Variants in LRP1B observed in about 807,000 individuals in gnomAD.
LRP1B encodes LDL receptor related protein 1B, also known as low-density lipoprotein receptor-related protein 1B.
LRP1B carries 217 observed loss-of-function variants against 556.6 expected under a neutral mutation model. The observed-to-expected ratio is 0.39, with a 90% confidence interval of 0.35 to 0.44. The LOEUF (loss-of-function observed/expected upper bound fraction) is 0.44, where lower values mean the gene tolerates loss of function less well. Ranked by LOEUF, LRP1B falls within the 20% of genes least tolerant of loss-of-function variation. LRP1B has a pLI of 1.00. For synonymous variants in LRP1B, 2,047 were observed against 1,865.8 expected, an observed-to-expected ratio of 1.10 and a Z score of -2.50; for missense variants, 5,053 against 5,620.8, an observed-to-expected ratio of 0.90 and a Z score of 3.23.
chr2:140,510,757 G>A (rs890854080), intron 51 of LRP1B, among the ~76,000 whole-genome samples: 2 of 152,044 alleles, frequency 1.3e-5, no homozygotes, highest in African/African-American at 4.8e-5. Context: ...CTCTATCACT[G>A]CAATGTTTCT....
chr2:140,901,022 C>CT (rs1694090009), intron 23 of LRP1B, among the ~76,000 whole-genome samples: 1 of 151,880 alleles, frequency 6.6e-6, no homozygotes, highest in African/African-American at 2.4e-5. Flanking sequence ...GAAAGTCGTG[C>CT]TTTTTTTAAA....
intron 2 of LRP1B, among the ~76,000 whole-genome samples, chr2:141,768,949 T>C (rs1694816118): frequency 6.6e-6 from 1 of 152,090 alleles, no homozygotes; most frequent in African/African-American, 2.4e-5. Flanking sequence ...TTTCTATTTA[T>C]CTATCTATGT....
intron 41 of LRP1B, among the ~76,000 whole-genome samples, chr2:140,685,048 T>C (rs1233141367): frequency 6.6e-6 from 1 of 152,204 alleles, no homozygotes; most frequent in Admixed American, 6.5e-5. Flanking sequence ...CCATAGCATG[T>C]ATCAGTCATG....
intron 2 of LRP1B, among the ~76,000 whole-genome samples, chr2:141,615,455 T>C (rs1374170708): frequency 6.6e-6 from 1 of 152,144 alleles, no homozygotes; most frequent in Non-Finnish European, 1.5e-5. Flanking sequence ...AGATGATCAA[T>C]ATGAGTTAAG....
intron 3 of LRP1B, among the ~76,000 whole-genome samples, chr2:141,424,724 G>A (rs1458385175): frequency 6.6e-6 from 1 of 152,056 alleles, no homozygotes; most frequent in Non-Finnish European, 1.5e-5. Flanking sequence ...TTATTGCAGT[G>A]TTCTACAGAC....
rs528075016 is a variant in LRP1B at position 141,280,616 on chromosome 2, CT to C, written c.344-25976del. 3.9e-3 allele frequency among the ~76,000 whole-genome samples: 590 copies of C among 151,932 alleles called. 3 individuals are homozygous for C. The highest frequency in any genetic ancestry group is 0.013 in the African/African-American group (521 of 41,480). On this transcript the variant is annotated intron_variant, in intron 3 of 90. Transcript: ENST00000389484. ...TAGGATGCAGAACGCTTAATATTGG[CT>C]TGTTTAAAGTCCCAGTAATAAAAGT...
intron 43 of LRP1B, among the ~76,000 whole-genome samples, chr2:140,589,929 C>T (rs1682147960): frequency 6.6e-6 from 1 of 152,102 alleles, no homozygotes; most frequent in Non-Finnish European, 1.5e-5. Context: ...TGTTCTGTAT[C>T]TTGACCACAT....
chr2:141,234,647 G>A (rs1378679685), intron 5 of LRP1B, among the ~76,000 whole-genome samples: 1 of 152,072 alleles, frequency 6.6e-6, no homozygotes, highest in Non-Finnish European at 1.5e-5. Flanking sequence ...CAAGTGCTGG[G>A]ATTACAGGCA....
At chr2:141,994,017 A>C (rs946638508) in intron 1 of LRP1B, among the ~76,000 whole-genome samples, 5 of 152,102 alleles carry the variant, frequency 3.3e-5, no homozygotes, top group African/African-American at 9.7e-5. Context: ...GACTTTGACA[A>C]CTGATTTGTT....
intron 1 of LRP1B, among the ~76,000 whole-genome samples, chr2:141,842,436 T>C (rs1030773770): frequency 9.2e-5 from 14 of 152,024 alleles, no homozygotes; most frequent in Non-Finnish European, 1.8e-4. Context: ...AATAGGTAAA[T>C]CTAAATAAGT....
At chr2:140,653,106 A>T (rs1427694846) in intron 41 of LRP1B, among the ~76,000 whole-genome samples, 1 of 152,142 alleles carries the variant, frequency 6.6e-6, no homozygotes, top group African/African-American at 2.4e-5. Context: ...GGAAACATTT[A>T]ACATTATAAA....
At chr2:140,815,302 T>A (rs1234108089) in intron 31 of LRP1B, among the ~76,000 whole-genome samples, 2 of 149,354 alleles carry the variant, frequency 1.3e-5, no homozygotes, top group African/African-American at 4.8e-5. Flanking sequence ...TCTCTATGGA[T>A]TAGACCCTCT....
intron 7 of LRP1B, among the ~76,000 whole-genome samples, chr2:141,132,450 A>T (rs1701382356): frequency 6.6e-6 from 1 of 152,024 alleles, no homozygotes; most frequent in African/African-American, 2.4e-5. Context: ...GACACAGCAC[A>T]AAAGCCCTAA....
At chr2:140,378,346 A>G in intron 67 of LRP1B, 60 bp from the exon 68 acceptor site, 1 of 819,286 alleles carries the variant, frequency 1.2e-6, no homozygotes, top group South Asian at 1.5e-5. Context: ...TGTAAAATTT[A>G]TATGACATAT....
chr2:140,585,311 T>C (rs1422534185), intron 43 of LRP1B, among the ~76,000 whole-genome samples: 2 of 152,072 alleles, frequency 1.3e-5, no homozygotes, highest in Non-Finnish European at 2.9e-5. Flanking sequence ...TGTAGAAGGA[T>C]TAAGAAATGT....
chr2:141,161,488 C>T (rs188094738), intron 7 of LRP1B, among the ~76,000 whole-genome samples: 303 of 152,130 alleles, frequency 2.0e-3, no homozygotes, highest in South Asian at 6.6e-3. Context: ...TCATTTTTGA[C>T]GAAAAGACTA....
chr2:142,039,385 C>T (rs560329071), intron 1 of LRP1B, among the ~76,000 whole-genome samples: 4 of 151,252 alleles, frequency 2.6e-5, no homozygotes, highest in East Asian at 2.0e-4. Flanking sequence ...TATCTCGGGA[C>T]CTTATAGAAA....
chr2:141,012,892 G>C (rs1023673664), intron 14 of LRP1B, among the ~76,000 whole-genome samples: 1 of 151,662 alleles, frequency 6.6e-6, no homozygotes, highest in African/African-American at 2.4e-5. Context: ...TGACTATTTA[G>C]ACTCATAAAA....
chr2:141,881,453 T>A (rs894449942), intron 1 of LRP1B, among the ~76,000 whole-genome samples: 1 of 152,074 alleles, frequency 6.6e-6, no homozygotes, highest in African/African-American at 2.4e-5. Context: ...TGATGGTATC[T>A]ACCACAAAAA....
Sources: allele counts gnomAD v4.1 joint callset (sites outside exome capture counted in the v4.1 genomes callset), GRCh38; gene constraint gnomAD v4.1.1; transcripts MANE v1.5; gene names NCBI Gene and HGNC (gene_info 2026-07-23, HGNC 2026-07-21).